MRPL38: variants seen among roughly 807,000 people sequenced by gnomAD.
The protein encoded by MRPL38 is large ribosomal subunit protein mL38.
In MRPL38, 51 loss-of-function variants were observed where a neutral mutation model predicts 52.1. That is an observed-to-expected ratio of 0.98 (90% CI 0.78 to 1.24). The LOEUF (loss-of-function observed/expected upper bound fraction) is 1.24, where lower values mean the gene tolerates loss of function less well. Among genes scored for constraint, MRPL38 ranks in the 50% most tolerant of loss-of-function variants. MRPL38 has a pLI of 0.00. For synonymous variants in MRPL38, 245 were observed against 212.7 expected, an observed-to-expected ratio of 1.15 and a Z score of -1.32; for missense variants, 527 against 518.6, an observed-to-expected ratio of 1.02 and a Z score of -0.16.
intron 2 of MRPL38, 98 bp from the exon 3 acceptor site, chr17:75,902,252 C>T: frequency 7.5e-7 from 1 of 1,331,144 alleles, no homozygotes; most frequent in Non-Finnish European, 1.0e-6. Flanking sequence ...TACAAGTGTA[C>T]ACCATCTCAT....
At position 75,901,406 on chromosome 17, in the gene MRPL38, G is replaced by A; in HGVS notation, c.592-133C>T. The A allele has an allele frequency of 1.1e-6, 1 of 875,396 alleles. No homozygotes were observed. The highest frequency in any genetic ancestry group is 2.1e-5 in the Admixed American group (1 of 48,282). 54.2% of individuals were successfully genotyped at this position (875,396 alleles called of 1,614,324 possible). A position where few individuals can be genotyped will look rare whatever the true frequency, so the allele number is the denominator to read the frequency against. Reference sequence around the variant, plus strand: ...CCTGGCACAGGCAGGCAGGCAAAGGGATGCGTAGAGAAGCAGCCCTGCAGA... The same window carrying A: ...CCTGGCACAGGCAGGCAGGCAAAGGAATGCGTAGAGAAGCAGCCCTGCAGA... On this transcript the variant is annotated intron_variant, in intron 4 of 8. Coordinates refer to ENST00000309352, the MANE Select transcript of MRPL38 (RefSeq NM_032478.4). The surrounding 1 kb of genome is among the most constrained non-coding windows in gnomAD (Gnocchi z 5.7).
In MRPL38 at chr17:75,901,086, C is replaced by G; in HGVS notation, c.665-59G>C. The G allele has an allele frequency of 6.3e-7, 1 of 1,597,224 alleles. No homozygotes were observed. On this transcript the variant is annotated intron_variant, in intron 5 of 8. Coordinates refer to ENST00000309352, the MANE Select transcript of MRPL38 (RefSeq NM_032478.4). This position sits in a 1 kb window ranked among gnomAD's most constrained non-coding sequence, Gnocchi z 5.7. ...GCCGACCACGGCCCTGCCACCCCCT[C>G]CCTTGTTAGGAGCCAGCGCTGGAGA...
At chr17:75,900,776 A>G (rs1319710127) in intron 6 of MRPL38, 6 of 1,398,108 alleles carry the variant, frequency 4.3e-6, no homozygotes, top group Middle Eastern at 4.1e-4. Context: ...GGACTGACCG[A>G]GGCCTACTGC....
chr17:75,899,414 T>G, intron 7 of MRPL38, 102 bp downstream of exon 7: 1 of 1,505,074 alleles, frequency 6.6e-7, no homozygotes, highest in South Asian at 1.3e-5. Context: ...TATCCTGCTC[T>G]TCTGCCAGTC....
Position 75,899,582 on chromosome 17 carries a change from A to G in MRPL38, c.803T>C (p.Leu268Pro), listed in dbSNP as rs2065394554. Residue 268 changes from leucine (L) to proline (P), a missense_variant, in exon 7 of 9, where the codon CTT becomes CCT. Physicochemically the swap from Leu to Pro is moderately conservative, Grantham distance 98. Coordinates refer to ENST00000309352, the MANE Select transcript of MRPL38 (RefSeq NM_032478.4). ...GTCCTGCTTGAAGAGCAGGAAGGCAAGACGGTGGATGCCGGAGCCTCGGGC... is the reference window on the plus strand; with the variant it reads ...GTCCTGCTTGAAGAGCAGGAAGGCAGGACGGTGGATGCCGGAGCCTCGGGC... The part of the protein sequence containing the change: ...FPARGSGIHR[L>P]AFLLFKQDQP... 1 of 1,609,004 alleles carries G rather than the reference A, an allele frequency of 6.2e-7. No homozygotes were observed.
In MRPL38 at chr17:75,899,236, T is replaced by G. The variant is rs1205613924; in HGVS notation, c.928A>C (p.Thr310Pro). Residue 310 changes from threonine (T) to proline (P), a missense_variant, in exon 8 of 9, where the codon ACC becomes CCC. By Grantham distance (38) the Thr-to-Pro change is conservative. Coordinates refer to ENST00000309352, the MANE Select transcript of MRPL38 (RefSeq NM_032478.4). ...AAGGACAAGCCGGCTGGAGTCATGG[T>G]TTCTTGGTGTTTCTTGTAGAAATCA... ...TFDFYKKHQE[T>P]MTPAGLSFFQ... The G allele has an allele frequency of 1.9e-6, 3 of 1,611,300 alleles. No individual in the cohort carries two copies. The Admixed American group carries it at 5.0e-5, about 27-fold the overall frequency.
intron 8 of MRPL38, 50 bp from the exon 9 acceptor site, chr17:75,899,036 C>G (rs1189964209): frequency 1.9e-6 from 3 of 1,543,936 alleles, no homozygotes; most frequent in African/African-American, 2.7e-5. Context: ...TGCGCCCCCT[C>G]AGGCTGAGGC....
intron 6 of MRPL38, 180 bp downstream of exon 6, chr17:75,900,802 T>G: frequency 7.0e-7 from 1 of 1,423,998 alleles, no homozygotes; most frequent in South Asian, 1.6e-5. Context: ...TTGTCTCCTG[T>G]AGCTGTCTTC....
rs1231702999 is a variant in MRPL38, at chr17:75,899,214, G to A, written c.950C>T (p.Ser317Phe). 6.2e-7 allele frequency: 1 copy of A among 1,609,442 alleles called. No individual in the cohort carries two copies. Among genetic ancestry groups the A allele is most frequent in the South Asian group, 1.1e-5 (1 of 90,202 alleles). Residue 317 changes from serine (S) to phenylalanine (F), a missense_variant, in exon 8 of 9, where the codon TCC becomes TTC. Physicochemically the swap from Ser to Phe is radical, Grantham distance 155 (BLOSUM62 -2). Coordinates refer to ENST00000309352, the MANE Select transcript of MRPL38 (RefSeq NM_032478.4). ...HQETMTPAGLSFFQCRWDDSV... is the reference protein window; with the variant it reads ...HQETMTPAGLFFFQCRWDDSV... ...GTCATCCCAGCGGCACTGGAAGAAG[G>A]ACAAGCCGGCTGGAGTCATGGTTTC...
chr17:75,904,770 G>GTCC, intron 1 of MRPL38, 39 bp downstream of exon 1: 2 of 500,008 alleles, frequency 4.0e-6, no homozygotes, highest in South Asian at 5.7e-5. Context: ...TCGGGCGACA[G>GTCC]CCCCCCCCCC....
At position 75,902,168 on chromosome 17, in the gene MRPL38, A is replaced by G; in HGVS notation, c.248-14T>C. The G allele has an allele frequency of 6.4e-7, 1 of 1,551,850 alleles. No individual in the cohort carries two copies. The highest frequency in any genetic ancestry group is 8.7e-7 in the Non-Finnish European group (1 of 1,147,052). On this transcript the variant is annotated splice_polypyrimidine_tract_variant and intron_variant, in intron 2 of 8. Coordinates refer to ENST00000309352, the MANE Select transcript of MRPL38 (RefSeq NM_032478.4). Reference sequence around the variant, plus strand: ...TCTCTTTGGGATCTGGAGTGGGAAGATGTGTGGGAAAAACAGGGTCATGAC... The same window carrying G: ...TCTCTTTGGGATCTGGAGTGGGAAGGTGTGTGGGAAAAACAGGGTCATGAC...
At position 75,902,002 on chromosome 17, in the gene MRPL38, T is replaced by G; in HGVS notation, c.382+18A>C. 1 of 1,612,780 alleles carries G rather than the reference T, an allele frequency of 6.2e-7. No homozygotes were observed. The highest frequency in any genetic ancestry group is 8.5e-7 in the Non-Finnish European group (1 of 1,179,164). Reference sequence around the variant, plus strand: ...TGTACCCCAACTCTGGGATGGCCCCTCCCCTGAGAAGGCTTACCTGTGCGG... The same window carrying G: ...TGTACCCCAACTCTGGGATGGCCCCGCCCCTGAGAAGGCTTACCTGTGCGG... On this transcript the variant is annotated intron_variant, in intron 3 of 8. Transcript: ENST00000309352.
At chr17:75,904,516 G>C (rs899197700) in intron 2 of MRPL38, 24 bp downstream of exon 2, 7 of 1,505,950 alleles carry the variant, frequency 4.6e-6, no homozygotes, top group Non-Finnish European at 6.2e-6. Context: ...GGTGGCTGCA[G>C]CCCCTGCTCC....
At chr17:75,904,080 A>C in intron 2 of MRPL38, 1 of 338,028 alleles carries the variant, frequency 3.0e-6, no homozygotes, top group Non-Finnish European at 6.0e-6. Context: ...TTCATTCAGC[A>C]AAGTATTGCA....
In MRPL38 at chr17:75,899,635, C is replaced by A; in HGVS notation, c.750G>T (p.Val250=). 6.3e-7 allele frequency: 1 copy of A among 1,595,744 alleles called. No individual in the cohort carries two copies. ...IPGNRVAEGQ[V]TCPYLPPFPA... is the part of the protein sequence containing the mutation. ...GGAAGGGGGGGAGGTAGGGACACGTCACCTGTCCTTCAGCCACCCGGTTAC... is the reference window on the plus strand; with the variant it reads ...GGAAGGGGGGGAGGTAGGGACACGTAACCTGTCCTTCAGCCACCCGGTTAC... Residue 250 remains valine, a synonymous_variant, in exon 7 of 9, where the codon GTG becomes GTT. Coordinates refer to ENST00000309352, the MANE Select transcript of MRPL38 (RefSeq NM_032478.4).
intron 2 of MRPL38, chr17:75,904,178 G>A: frequency 2.0e-6 from 1 of 494,226 alleles, no homozygotes; most frequent in Non-Finnish European, 4.1e-6. Flanking sequence ...TTACAATCTG[G>A]GGAGAGGCAG....
chr17:75,899,706 C>G, intron 6 of MRPL38, 32 bp from the exon 7 acceptor site: 3 of 1,522,012 alleles, frequency 2.0e-6, no homozygotes, highest in African/African-American at 2.8e-5. Context: ...TTAATTACCA[C>G]TCCAGGGAGG....
chr17:75,904,583 C>T lies in MRPL38; in HGVS notation c.204G>A (p.Pro68=). The T allele has an allele frequency of 2.5e-6, 4 of 1,583,770 alleles. No individual in the cohort carries two copies. Among genetic ancestry groups the T allele is most frequent in the South Asian group, 2.3e-5 (2 of 88,662 alleles). ...ACTCTCGGTAGGTCCGCCACCAGTG[C>T]GGGGCCTGCGCCTCCTGCTCTGCTC... ...RRRAEQEAQA[P]HWWRTYREYF... The change falls in exon 2 of 9, where the codon CCG becomes CCA. Residue 68 remains proline, a synonymous_variant. Transcript: ENST00000309352.
chr17:75,899,732 C>T, intron 6 of MRPL38, 58 bp from the exon 7 acceptor site: 1 of 1,426,086 alleles, frequency 7.0e-7, no homozygotes, highest in Non-Finnish European at 9.4e-7. Flanking sequence ...GGAGTGTCCC[C>T]TCAGCTCCAT....
Sources: allele counts gnomAD v4.1 joint callset, GRCh38; gene constraint gnomAD v4.1.1; non-coding constraint Gnocchi (gnomAD v3.1); transcripts MANE v1.5; gene names NCBI Gene and HGNC (gene_info 2026-07-23, HGNC 2026-07-21).